Variants in CEP135 observed in about 807,000 individuals in gnomAD.
CEP135 encodes the protein centrosomal protein 135, also known as centrosomal protein of 135 kDa.
CEP135 carries 142 observed loss-of-function variants against 157.3 expected under a neutral mutation model. The ratio of observed to expected loss-of-function variants is 0.90; its 90% CI spans 0.79 to 1.04. The LOEUF (loss-of-function observed/expected upper bound fraction) is 1.04. Ranked by LOEUF, CEP135 falls within the 50% of genes least tolerant of loss-of-function variation. The pLI, the probability that CEP135 is intolerant of heterozygous loss-of-function variation, is 0.00. For missense variants in CEP135, 1,317 were observed against 1,309.2 expected, an observed-to-expected ratio of 1.01 and a Z score of -0.09; for synonymous variants, 396 against 439.8, an observed-to-expected ratio of 0.90 and a Z score of 1.25.
chr4:55,965,544 A>G (rs754077800), intron 7 of CEP135, 100 bp from the exon 8 acceptor site: 13 of 789,548 alleles, frequency 1.6e-5, no homozygotes, highest in African/African-American at 3.5e-5. Flanking sequence ...TTAATCTTCA[A>G]TAATTTTTAA....
At chr4:55,996,307 A>T (rs555779461) in intron 15 of CEP135, among the ~76,000 whole-genome samples, 2 of 152,162 alleles carry the variant, frequency 1.3e-5, no homozygotes, top group African/African-American at 4.8e-5. Flanking sequence ...ATGTTTGTGG[A>T]GACAGGGTCT....
chr4:55,999,441 C>T, intron 16 of CEP135, 24 bp downstream of exon 16: 1 of 1,613,234 alleles, frequency 6.2e-7, no homozygotes, highest in Non-Finnish European at 8.5e-7. Context: ...AATTTTGTTT[C>T]TGCTAATCCT....
intron 10 of CEP135, among the ~76,000 whole-genome samples, chr4:55,973,276 C>T (rs775649728): frequency 6.6e-6 from 1 of 152,200 alleles, no homozygotes; most frequent in Non-Finnish European, 1.5e-5. Context: ...GCAGACTGCT[C>T]AGCGCTGTAT....
chr4:55,976,079 A>G (rs1729202635), intron 11 of CEP135, among the ~76,000 whole-genome samples: 1 of 152,042 alleles, frequency 6.6e-6, no homozygotes. Flanking sequence ...GTGAGATGCC[A>G]TCTCTACAAA....
At chr4:55,962,406 C>G (rs1328586358) in intron 6 of CEP135, among the ~76,000 whole-genome samples, 1 of 152,066 alleles carries the variant, frequency 6.6e-6, no homozygotes, top group Non-Finnish European at 1.5e-5. Context: ...GGCCAAAAAA[C>G]TCTTTTAACT....
At chr4:55,973,152 C>T (rs1729083367) in intron 10 of CEP135, among the ~76,000 whole-genome samples, 2 of 152,146 alleles carry the variant, frequency 1.3e-5, no homozygotes, top group African/African-American at 4.8e-5. Context: ...CTGCCAGATA[C>T]CCAGCCATGG....
In CEP135 at chr4:56,032,664, T is replaced by C. The variant is rs1354345601; in HGVS notation, c.*1316T>C. On this transcript the variant is annotated 3_prime_UTR_variant, in exon 26 of 26. Transcript: ENST00000257287. ...GTTGTAATTTTAAAGAATTTGGGTG[T>C]ATACCTATGTTAATGAAACAACAGA... The C allele has an allele frequency of 6.6e-6, 1 of 152,148 alleles. No individual in the cohort carries two copies. The allele number at this position is 152,148 out of a possible 1,614,324, so 9.4% of individuals were successfully genotyped here. A position where few individuals can be genotyped will look rare whatever the true frequency, so the allele number is the denominator to read the frequency against.
Position 55,959,833 on chromosome 4 carries a change from G to T in CEP135, c.699+67G>T, listed in dbSNP as rs750707873. The T allele has an allele frequency of 1.0e-4, 129 of 1,246,062 alleles. 2 individuals are homozygous for T. The South Asian group carries it at 1.5e-3, about 15-fold the overall frequency. 77.2% of individuals were successfully genotyped at this position (1,246,062 alleles called of 1,614,324 possible). A position where few individuals can be genotyped will look rare whatever the true frequency, so the allele number is the denominator to read the frequency against. On this transcript the variant is annotated intron_variant, in intron 6 of 25. Transcript: ENST00000257287. ...TATGCTGTGATTGTAAATAGAATTG[G>T]GTTATATTTGAAATTGCTGATACTG...
At chr4:56,028,756 A>G (rs1348992350) in intron 25 of CEP135, among the ~76,000 whole-genome samples, 3 of 152,180 alleles carry the variant, frequency 2.0e-5, no homozygotes, top group Non-Finnish European at 4.4e-5. Context: ...AAAGCCTATA[A>G]AAGTGTTTTT....
chr4:56,025,670 C>T (rs1035199685), intron 25 of CEP135, among the ~76,000 whole-genome samples: 9 of 152,102 alleles, frequency 5.9e-5, no homozygotes, highest in African/African-American at 2.2e-4. Flanking sequence ...AGATTAATTT[C>T]ACAACTGTGT....
chr4:55,953,195 A>C lies in CEP135; in HGVS notation c.224A>C (p.Asn75Thr). 6.2e-7 allele frequency: 1 copy of C among 1,606,390 alleles called. No homozygotes were observed. The highest frequency in any genetic ancestry group is 8.5e-7 in the Non-Finnish European group (1 of 1,177,640). ...GTTTTGGAACCCTATAAACTTGAAA[A>C]TGCAAGATTGAGTAGAGAAAATAAT... ...DFVLEPYKLE[N>T]ARLSRENNEL... The change falls in exon 3 of 26, where the codon AAT becomes ACT. Residue 75 changes from asparagine (N) to threonine (T), a missense_variant. Coordinates refer to ENST00000257287, the MANE Select transcript of CEP135 (RefSeq NM_025009.5).
At chr4:55,960,015 G>T in intron 6 of CEP135, 1 of 567,686 alleles carries the variant, frequency 1.8e-6, no homozygotes, top group Admixed American at 3.6e-5. Flanking sequence ...GTACTTGGGA[G>T]GCTGAGGTGG....
At chr4:55,970,701 G>A (rs146894010) in intron 9 of CEP135, among the ~76,000 whole-genome samples, 1 of 152,106 alleles carries the variant, frequency 6.6e-6, no homozygotes, top group African/African-American at 2.4e-5. Flanking sequence ...ATTTTTTCTA[G>A]TAATGCAAAA....
rs777232769 is a variant in CEP135, at chr4:55,957,278, G to A, written c.528G>A (p.Pro176=). The part of the protein sequence containing the change: ...FRRQRMQIDE[P]VPPSEVSSYP... Reference sequence around the variant, plus strand: ...GCCAGCGTATGCAAATTGATGAACCGGTTCCTCCCTCTGAAGTCAGTTCAT... The same window carrying A: ...GCCAGCGTATGCAAATTGATGAACCAGTTCCTCCCTCTGAAGTCAGTTCAT... The change falls in exon 5 of 26, where the codon CCG becomes CCA. Residue 176 remains proline (P), a synonymous_variant. Transcript: ENST00000257287. 2.1e-5 allele frequency: 34 copies of A among 1,613,904 alleles called. No homozygotes were observed. The African/African-American group carries it at 2.9e-4, about 14-fold the overall frequency.
chr4:55,962,375 C>T (rs751082690), intron 6 of CEP135, among the ~76,000 whole-genome samples: 2 of 152,190 alleles, frequency 1.3e-5, no homozygotes, highest in Non-Finnish European at 2.9e-5. Flanking sequence ...GCTGGAATTA[C>T]AGGCGTGAGC....
intron 2 of CEP135, chr4:55,952,469 TCTC>T (rs1728385911): frequency 2.9e-6 from 1 of 343,054 alleles, no homozygotes; most frequent in South Asian, 1.2e-4. Context: ...CTGGGGGTTT[TCTC>T]TGTGAATGGA....
At chr4:55,969,500 A>G (rs1728954160) in intron 9 of CEP135, among the ~76,000 whole-genome samples, 1 of 151,888 alleles carries the variant, frequency 6.6e-6, no homozygotes, top group African/African-American at 2.4e-5. Context: ...GACAACCACT[A>G]ATCTACTTTC....
chr4:56,019,208 G>GACTT (rs1168670329), intron 22 of CEP135, 145 bp from the exon 23 acceptor site: 1 of 613,350 alleles, frequency 1.6e-6, no homozygotes, highest in Non-Finnish European at 2.8e-6. Flanking sequence ...TATACTTAAA[G>GACTT]AAACAGTTCA....
intron 2 of CEP135, 121 bp from the exon 3 acceptor site, chr4:55,952,964 C>T (rs943466463): frequency 2.4e-5 from 20 of 827,232 alleles, no homozygotes; most frequent in East Asian, 2.1e-4. Context: ...TGTGGTCTGT[C>T]GTTGACCAAA....
Sources: allele counts gnomAD v4.1 joint callset (sites outside exome capture counted in the v4.1 genomes callset), GRCh38; gene constraint gnomAD v4.1.1; transcripts MANE v1.5; gene names NCBI Gene and HGNC (gene_info 2026-07-23, HGNC 2026-07-21).